LARGE1: variants seen among roughly 807,000 people sequenced by gnomAD.
LARGE1 encodes the protein xylosyl- and glucuronyltransferase LARGE1.
A neutral mutation model predicts 87.6 loss-of-function variants in LARGE1; 43 were observed. The ratio of observed to expected loss-of-function variants is 0.49; its 90% CI spans 0.38 to 0.63. The LOEUF is 0.63. Among genes scored for constraint, LARGE1 ranks in the 30% least tolerant of loss-of-function variants. The pLI is 0.00. For missense variants in LARGE1, 802 were observed against 1,000.2 expected, an observed-to-expected ratio of 0.80 and a Z score of 2.67; for synonymous variants, 434 against 394.6, an observed-to-expected ratio of 1.10 and a Z score of -1.18.
At chr22:33,702,860 A>C (rs758996170) in intron 2 of LARGE1, among the ~76,000 whole-genome samples, 1 of 152,218 alleles carries the variant, frequency 6.6e-6, no homozygotes, top group Non-Finnish European at 1.5e-5. Context: ...GCAGATTGCC[A>C]GAACAATGGA....
At chr22:33,160,454 T>C (rs559713764), downstream of LARGE1, among the ~76,000 whole-genome samples, 180 of 152,326 alleles carry the variant, frequency 1.2e-3, no homozygotes, top group African/African-American at 4.1e-3. Context: ...TGGCTTTCTA[T>C]TTCCCGTTCT....
At chr22:33,568,604 T>C (rs1188082835) in intron 5 of LARGE1, among the ~76,000 whole-genome samples, 1 of 151,750 alleles carries the variant, frequency 6.6e-6, no homozygotes, top group Non-Finnish European at 1.5e-5. Flanking sequence ...CCATCTCTAC[T>C]AAAAATACAA....
At chr22:33,634,601 T>C (rs1328026470) in intron 3 of LARGE1, among the ~76,000 whole-genome samples, 2 of 132,440 alleles carry the variant, frequency 1.5e-5, no homozygotes, top group Non-Finnish European at 3.5e-5. Flanking sequence ...TTGGAATTTG[T>C]TACTCTTTCA....
chr22:33,727,089 G>C (rs770135934), intron 2 of LARGE1, among the ~76,000 whole-genome samples: 1 of 152,294 alleles, frequency 6.6e-6, no homozygotes, highest in East Asian at 1.9e-4. Context: ...CTCCCTGAAG[G>C]TCAAGGTGAC....
chr22:33,419,835 C>T (rs992400898), intron 7 of LARGE1, among the ~76,000 whole-genome samples: 9 of 151,906 alleles, frequency 5.9e-5, no homozygotes, highest in South Asian at 2.1e-4. Flanking sequence ...GGATTACAGG[C>T]GCCTACCACC....
Position 33,283,439 on chromosome 22 carries a change from G to C in LARGE1, c.1731-91C>G, listed in dbSNP as rs1018365. On this transcript the variant is annotated intron_variant, in intron 12 of 14. Coordinates refer to ENST00000397394, the MANE Select transcript of LARGE1 (RefSeq NM_133642.5). ...GAGGGCGGGGTGGTCATTGGCCCGG[G>C]GAAGTGTGGGAAAGAAAGCTCAGGT... is the stretch of plus-strand genomic sequence containing the variant. 97,036 of 1,412,908 alleles carry C rather than the reference G, an allele frequency of 0.069. 3,948 individuals are homozygous for C. The highest frequency in any genetic ancestry group is 0.17 in the African/African-American group (12,144 of 70,654). The allele number at this position is 1,412,908 out of a possible 1,614,324, so 87.5% of individuals were successfully genotyped here. A position where few individuals can be genotyped will look rare whatever the true frequency, so the allele number is the denominator to read the frequency against.
intron 9 of LARGE1, among the ~76,000 whole-genome samples, chr22:33,351,335 T>TA (rs1416650580): frequency 6.6e-6 from 1 of 152,240 alleles, no homozygotes; most frequent in Non-Finnish European, 1.5e-5. Context: ...GAAGGCATGA[T>TA]ATGGTGGCAT....
intron 11 of LARGE1, among the ~76,000 whole-genome samples, chr22:33,188,882 C>G (rs1923626118): frequency 6.6e-6 from 1 of 152,082 alleles, no homozygotes; most frequent in Non-Finnish European, 1.5e-5. Flanking sequence ...ACAAGGGCAT[C>G]TCTCTATTGC....
At chr22:33,177,753 C>T (rs1187813443) in intron 11 of LARGE1, among the ~76,000 whole-genome samples, 1 of 152,134 alleles carries the variant, frequency 6.6e-6, no homozygotes, top group Non-Finnish European at 1.5e-5. Flanking sequence ...TCAGAATCAC[C>T]CCGTCTCACT....
intron 2 of LARGE1, among the ~76,000 whole-genome samples, chr22:33,739,070 T>C (rs2083776376): frequency 6.6e-6 from 1 of 151,780 alleles, no homozygotes; most frequent in Admixed American, 6.6e-5. Flanking sequence ...ACTTACTCTC[T>C]CAGGCCTTAG....
chr22:33,491,903 C>G (rs574000895), intron 6 of LARGE1, among the ~76,000 whole-genome samples: 2 of 152,250 alleles, frequency 1.3e-5, no homozygotes, highest in East Asian at 3.9e-4. Flanking sequence ...ATTCCCGAGG[C>G]AGCTGAAATG....
intron 6 of LARGE1, among the ~76,000 whole-genome samples, chr22:33,530,642 G>T (rs899153347): frequency 6.6e-6 from 1 of 152,144 alleles, no homozygotes; most frequent in East Asian, 1.9e-4. Flanking sequence ...GCTAGGCATA[G>T]TTGCGCTCTG....
At chr22:33,831,359 AC>A (rs890374619) in intron 1 of LARGE1, among the ~76,000 whole-genome samples, 2 of 151,570 alleles carry the variant, frequency 1.3e-5, no homozygotes, top group Non-Finnish European at 1.5e-5. Flanking sequence ...GCATACATGC[AC>A]CCCCCCTCTG....
intron 1 of LARGE1, among the ~76,000 whole-genome samples, chr22:33,830,992 T>C (rs149166050): frequency 6.4e-4 from 98 of 152,346 alleles, no homozygotes; most frequent in African/African-American, 2.2e-3. Flanking sequence ...AGGTTTCCTA[T>C]GGATTTTGCA....
chr22:33,799,385 A>G (rs561800475), intron 1 of LARGE1, among the ~76,000 whole-genome samples: 2 of 152,300 alleles, frequency 1.3e-5, no homozygotes, highest in Admixed American at 6.5e-5. Context: ...AAACAAATCT[A>G]CAACTAACTC....
chr22:33,365,237 C>T (rs1569097418), intron 9 of LARGE1, among the ~76,000 whole-genome samples: 1 of 152,094 alleles, frequency 6.6e-6, no homozygotes, highest in East Asian at 1.9e-4. Context: ...CCATTTGTGA[C>T]CTATTACATC....
the LARGE1 span, among the ~76,000 whole-genome samples, chr22:33,101,672 A>G: frequency 6.6e-6 from 1 of 152,210 alleles, no homozygotes; most frequent in Non-Finnish European, 1.5e-5. Flanking sequence ...ACACATTTCT[A>G]TGAAAATAAA....
At chr22:33,138,891 A>G in the LARGE1 span, among the ~76,000 whole-genome samples, 1 of 152,118 alleles carries the variant, frequency 6.6e-6, no homozygotes, top group South Asian at 2.1e-4. Flanking sequence ...TCCCCACCCA[A>G]ATCTCATCTT....
rs148388361 is a variant in LARGE1, at chr22:33,525,475, T to G, written c.787+39373A>C. On this transcript the variant is annotated intron_variant, in intron 6 of 14. Transcript: ENST00000397394. ...CTCTCAAATAAAGCCTGTCTTCTGTTGCATGTCACTGAGAGTAAAGAAAAA... is the reference window on the plus strand; with the variant it reads ...CTCTCAAATAAAGCCTGTCTTCTGTGGCATGTCACTGAGAGTAAAGAAAAA... Among the ~76,000 whole-genome samples, 17 of 152,340 alleles carry G rather than the reference T, an allele frequency of 1.1e-4. 1 individual carries two copies. The highest frequency in any genetic ancestry group is 6.8e-3 in the Middle Eastern group (2 of 294).
Sources: allele counts gnomAD v4.1 joint callset (sites outside exome capture counted in the v4.1 genomes callset), GRCh38; gene constraint gnomAD v4.1.1; transcripts MANE v1.5; gene names NCBI Gene and HGNC (gene_info 2026-07-23, HGNC 2026-07-21).